The following PTPRM variants were observed in gnomAD, a reference collection of about 807,000 sequenced individuals.
The protein encoded by PTPRM is receptor-type tyrosine-protein phosphatase mu.
Under a neutral mutation model 186.7 loss-of-function variants are expected in PTPRM, and 47 were observed. That is an observed-to-expected ratio of 0.25 (90% CI 0.20 to 0.32). PTPRM has a LOEUF of 0.32. Ranked by LOEUF, PTPRM falls within the 10% of genes least tolerant of loss-of-function variation. The pLI is 1.00. For missense variants in PTPRM, 1,494 were observed against 1,865.0 expected (o/e 0.80, Z 3.66); for synonymous variants, 668 against 674.9 (o/e 0.99, Z 0.16).
chr18:8,211,659 T>A (rs1270079328), intron 14 of PTPRM, among the ~76,000 whole-genome samples: 1 of 152,036 alleles, frequency 6.6e-6, no homozygotes, highest in Non-Finnish European at 1.5e-5. Flanking sequence ...TGCCTCGCCC[T>A]CCCAAAGTGC....
intron 4 of PTPRM, among the ~76,000 whole-genome samples, chr18:7,925,361 T>C (rs1051746103): frequency 3.3e-5 from 5 of 152,200 alleles, no homozygotes; most frequent in Admixed American, 2.0e-4. Context: ...TTTGTCTGAA[T>C]TATTAGTGGC....
intron 1 of PTPRM, among the ~76,000 whole-genome samples, chr18:7,620,993 G>A (rs373319523): frequency 5.2e-4 from 79 of 152,242 alleles, no homozygotes; most frequent in Non-Finnish European, 9.4e-4. Flanking sequence ...AGACCAGTCG[G>A]CAACCTAGTG....
chr18:8,214,475 G>A (rs768434268), intron 14 of PTPRM, among the ~76,000 whole-genome samples: 22 of 151,954 alleles, frequency 1.4e-4, no homozygotes, highest in Admixed American at 7.2e-4. Flanking sequence ...TACCGATGAT[G>A]GCAAAGAACA....
At chr18:7,613,869 T>G (rs1359427204) in intron 1 of PTPRM, among the ~76,000 whole-genome samples, 1 of 152,192 alleles carries the variant, frequency 6.6e-6, no homozygotes, top group African/African-American at 2.4e-5. Context: ...GGTAGATAAA[T>G]TATAATGTTG....
intron 7 of PTPRM, among the ~76,000 whole-genome samples, chr18:7,981,689 G>A (rs2082559835): frequency 6.6e-6 from 1 of 152,088 alleles, no homozygotes; most frequent in African/African-American, 2.4e-5. Context: ...GCATCTTTAG[G>A]TGATTTGGTC....
At chr18:8,302,709 G>A (rs1031937084) in intron 20 of PTPRM, among the ~76,000 whole-genome samples, 1 of 152,054 alleles carries the variant, frequency 6.6e-6, no homozygotes, top group Non-Finnish European at 1.5e-5. Context: ...AAGAGCCAGA[G>A]ATGACTCCTG....
intron 23 of PTPRM, among the ~76,000 whole-genome samples, chr18:8,369,201 A>G (rs1274935371): frequency 6.6e-6 from 1 of 152,228 alleles, no homozygotes; most frequent in East Asian, 1.9e-4. Flanking sequence ...AGAGAGCTAT[A>G]AAAGATAAGG....
chr18:7,957,143 C>A (rs2053366962), intron 7 of PTPRM, among the ~76,000 whole-genome samples: 1 of 151,978 alleles, frequency 6.6e-6, no homozygotes. Context: ...TCACTAGCAG[C>A]CCCACCTACA....
chr18:8,234,051 G>C (rs997838030), intron 14 of PTPRM, among the ~76,000 whole-genome samples: 1 of 152,112 alleles, frequency 6.6e-6, no homozygotes, highest in African/African-American at 2.4e-5. Context: ...TGGAAGTCAG[G>C]TAGTATCAAT....
At chr18:8,072,863 G>GGT (rs151261018) in intron 8 of PTPRM, among the ~76,000 whole-genome samples, 5,178 of 152,000 alleles carry the variant, frequency 0.034, 288 homozygotes, top group African/African-American at 0.12. Context: ...GTTACTATGA[G>GGT]GTACTATCTT....
chr18:8,046,569 G>A (rs143703594), intron 7 of PTPRM, among the ~76,000 whole-genome samples: 117 of 152,222 alleles, frequency 7.7e-4, no homozygotes, highest in Middle Eastern at 3.4e-3. Context: ...GGTCAGGGAC[G>A]AAGTATGATT....
chr18:7,573,292 T>G (rs991621331), intron 1 of PTPRM, among the ~76,000 whole-genome samples: 1 of 152,272 alleles, frequency 6.6e-6, no homozygotes, highest in Middle Eastern at 3.4e-3. Flanking sequence ...GAGTGGCAGT[T>G]GTGCAGGTAG....
chr18:8,209,470 C>A (rs895884906), intron 14 of PTPRM, among the ~76,000 whole-genome samples: 1 of 152,084 alleles, frequency 6.6e-6, no homozygotes, highest in Non-Finnish European at 1.5e-5. Context: ...GAGAAGGAAA[C>A]TACAGGAAAA....
At chr18:7,917,789 G>T (rs2050647718) in intron 4 of PTPRM, among the ~76,000 whole-genome samples, 2 of 152,066 alleles carry the variant, frequency 1.3e-5, no homozygotes, top group African/African-American at 4.8e-5. Flanking sequence ...TCTAATAAGT[G>T]TATATTTGTA....
intron 2 of PTPRM, among the ~76,000 whole-genome samples, chr18:7,862,942 C>T (rs961814574): frequency 1.3e-4 from 20 of 152,096 alleles, no homozygotes; most frequent in East Asian, 5.8e-4. Flanking sequence ...AAATGAAATA[C>T]GGACAAACTT....
chr18:8,192,316 T>C (rs2093720377), intron 14 of PTPRM, among the ~76,000 whole-genome samples: 1 of 152,196 alleles, frequency 6.6e-6, no homozygotes, highest in South Asian at 2.1e-4. Flanking sequence ...TAGATCTTGC[T>C]TTCTAAATAC....
intron 4 of PTPRM, among the ~76,000 whole-genome samples, chr18:7,916,005 A>T (rs2050534511): frequency 6.6e-6 from 1 of 152,260 alleles, no homozygotes; most frequent in Non-Finnish European, 1.5e-5. Context: ...TTAGAAACAG[A>T]AAAACAAAAA....
chr18:7,998,526 G>T (rs11081350), intron 7 of PTPRM, among the ~76,000 whole-genome samples: 1 of 151,942 alleles, frequency 6.6e-6, no homozygotes, highest in African/African-American at 2.4e-5. Context: ...AAAGTACTGC[G>T]TTTATTCCTC....
intron 4 of PTPRM, among the ~76,000 whole-genome samples, chr18:7,909,883 T>C (rs889871931): frequency 2.0e-5 from 3 of 152,232 alleles, no homozygotes; most frequent in Non-Finnish European, 2.9e-5. Flanking sequence ...TCAGCAGCTC[T>C]CTAGCATATG....
Sources: gnomAD v4.1 joint callset for allele counts (sites outside exome capture counted in the v4.1 genomes callset) on GRCh38, gnomAD v4.1.1 for gene constraint, MANE v1.5 for transcripts, NCBI Gene and HGNC (gene_info 2026-07-23, HGNC 2026-07-21) for gene names.